Variants in ADAM11 observed in about 807,000 individuals in gnomAD.
The protein encoded by ADAM11 is disintegrin and metalloproteinase domain-containing protein 11.
Under a neutral mutation model 119.1 loss-of-function variants are expected in ADAM11, and 49 were observed. The ratio of observed to expected loss-of-function variants is 0.41; its 90% CI spans 0.33 to 0.52. The LOEUF is 0.52. ADAM11 is among the 20% of genes least tolerant of loss of function. ADAM11 has a pLI of 0.20. For synonymous variants in ADAM11, 364 were observed against 408.0 expected (o/e 0.89, Z 1.30); for missense variants, 777 against 1,047.5 (o/e 0.74, Z 3.56).
At chr17:44,774,042 G>C (rs72826870) in intron 11 of ADAM11, among the ~76,000 whole-genome samples, 11,509 of 152,226 alleles carry the variant, frequency 0.076, 550 homozygotes, top group Non-Finnish European at 0.11. Flanking sequence ...AGTGAGCTGA[G>C]ATGGTGCCAC....
chr17:44,769,603 C>A, intron 2 of ADAM11, 115 bp from the exon 3 acceptor site: 1 of 724,826 alleles, frequency 1.4e-6, no homozygotes. Context: ...ATGGTCCCCT[C>A]AGCTGCTAGG....
Position 44,759,707 on chromosome 17 carries a change from G to T in ADAM11, c.62-15G>T, listed in dbSNP as rs755111441. 2 of 1,318,348 alleles carry T rather than the reference G, an allele frequency of 1.5e-6. No individual in the cohort carries two copies. The highest frequency in any genetic ancestry group is 1.5e-5 in the African/African-American group (1 of 66,442). The allele number at this position is 1,318,348 out of a possible 1,614,324, so 81.7% of individuals were successfully genotyped here. ...GGGTGGGCAGCTGCCTGCAGCCATG[G>T]CCTTGTTTCCCCAGGTCTTGGGACC... On this transcript the variant is annotated splice_polypyrimidine_tract_variant and intron_variant, in intron 1 of 26. Coordinates refer to ENST00000200557, the MANE Select transcript of ADAM11 (RefSeq NM_002390.6).
At chr17:44,769,019 C>T (rs921291778) in intron 2 of ADAM11, among the ~76,000 whole-genome samples, 29 of 152,220 alleles carry the variant, frequency 1.9e-4, no homozygotes, top group African/African-American at 7.0e-4. Flanking sequence ...CCTCCAGCCC[C>T]ACTGCACTCT....
chr17:44,781,283 A>G lies in ADAM11; in HGVS notation c.*1529A>G, dbSNP rs1033173415. On this transcript the variant is annotated 3_prime_UTR_variant, in exon 27 of 27. Transcript: ENST00000200557. Reference sequence around the variant, plus strand: ...ACCCTCAGGGGCAAACAGGCCTGGGACCCGCTGACACCATTTTGGGTAGCT... The same window carrying G: ...ACCCTCAGGGGCAAACAGGCCTGGGGCCCGCTGACACCATTTTGGGTAGCT... 6 of 152,142 alleles carry G rather than the reference A, an allele frequency of 3.9e-5. No homozygotes were observed. Among genetic ancestry groups the G allele is most frequent in the Non-Finnish European group, 2.9e-5 (2 of 68,034 alleles). The allele number at this position is 152,142 out of a possible 1,614,324, so 9.4% of individuals were successfully genotyped here.
rs1490182183 is a variant in ADAM11, at chr17:44,773,007, C to T, written c.754-7C>T. Reference sequence around the variant, plus strand: ...CCTGGCCCTCCTCCCATTCTTCTCTCTCCCAGTTCGAGCAGATGCGACAGT... The same window carrying T: ...CCTGGCCCTCCTCCCATTCTTCTCTTTCCCAGTTCGAGCAGATGCGACAGT... On this transcript the variant is annotated splice_region_variant and splice_polypyrimidine_tract_variant and intron_variant, in intron 9 of 26. Coordinates refer to ENST00000200557, the MANE Select transcript of ADAM11 (RefSeq NM_002390.6). The surrounding 1 kb of genome is among the most constrained non-coding windows in gnomAD (Gnocchi z 4.6). The T allele has an allele frequency of 6.2e-7, 1 of 1,614,008 alleles. No homozygotes were observed. The highest frequency in any genetic ancestry group is 8.5e-7 in the Non-Finnish European group (1 of 1,180,036).
intron 1 of ADAM11, 189 bp from the exon 2 acceptor site, chr17:44,759,533 G>A: frequency 8.0e-7 from 1 of 1,246,076 alleles, no homozygotes; most frequent in Admixed American, 4.1e-5. Flanking sequence ...TGACGGTTGG[G>A]CGGGAGTGAA....
chr17:44,760,548 T>A (rs1231554490), intron 2 of ADAM11, among the ~76,000 whole-genome samples: 3 of 152,162 alleles, frequency 2.0e-5, no homozygotes, highest in Admixed American at 1.3e-4. Context: ...TTAATTAATA[T>A]CATGTGAATA....
At chr17:44,762,923 G>A (rs894859004) in intron 2 of ADAM11, among the ~76,000 whole-genome samples, 1 of 150,988 alleles carries the variant, frequency 6.6e-6, no homozygotes. Context: ...TTGAGACCAG[G>A]AGTTTGAGAC....
At chr17:44,765,895 G>A (rs1049123493) in intron 2 of ADAM11, among the ~76,000 whole-genome samples, 4 of 152,170 alleles carry the variant, frequency 2.6e-5, no homozygotes, top group Admixed American at 6.5e-5. Context: ...GATTACAGGC[G>A]TAAGCCACTG....
chr17:44,775,308 C>G lies in ADAM11; in HGVS notation c.1317C>G (p.Leu439=), dbSNP rs1398263300. ...GGGSCLFNKP[L]KLLDPPECGN... ...GCAGCTGCCTCTTCAACAAGCCCCT[C>G]AAGGTACCAGCCCCGCGGCGGGGAG... The change falls in exon 15 of 27, where the codon CTC becomes CTG. Residue 439 remains leucine (L), a synonymous_variant. Transcript: ENST00000200557. This position sits in a 1 kb window ranked among gnomAD's most constrained non-coding sequence, Gnocchi z 7.5. 7 of 1,613,834 alleles carry G rather than the reference C, an allele frequency of 4.3e-6. No homozygotes were observed. The highest frequency in any genetic ancestry group is 5.9e-6 in the Non-Finnish European group (7 of 1,179,994).
chr17:44,774,241 C>G lies in ADAM11; in HGVS notation c.993-54C>G, dbSNP rs2049567325. Reference sequence around the variant, plus strand: ...GGCTCCCCAAGGCCCCACCACCACCCGGGGAGCCACAGGGGAGGGCAGGAG... The same window carrying G: ...GGCTCCCCAAGGCCCCACCACCACCGGGGGAGCCACAGGGGAGGGCAGGAG... On this transcript the variant is annotated intron_variant, in intron 11 of 26. Coordinates refer to ENST00000200557, the MANE Select transcript of ADAM11 (RefSeq NM_002390.6). 2.4e-5 allele frequency: 30 copies of G among 1,240,682 alleles called. 2 individuals carry two copies. In the South Asian group the frequency reaches 4.9e-4, roughly 20 times the overall value. 76.9% of individuals were successfully genotyped at this position (1,240,682 alleles called of 1,614,324 possible).
chr17:44,764,998 A>C (rs1190132911), intron 2 of ADAM11, among the ~76,000 whole-genome samples: 4 of 152,030 alleles, frequency 2.6e-5, no homozygotes, highest in African/African-American at 9.7e-5. Context: ...GGCCTCACCC[A>C]AGCAACCTCC....
chr17:44,760,116 C>T (rs1442775265), intron 2 of ADAM11, among the ~76,000 whole-genome samples: 1 of 152,222 alleles, frequency 6.6e-6, no homozygotes, highest in African/African-American at 2.4e-5. Flanking sequence ...CCCCTGCCCT[C>T]AGTGTACAGG....
chr17:44,779,638 G>A (rs990100128), intron 26 of ADAM11, 101 bp from the exon 27 acceptor site: 180 of 1,501,922 alleles, frequency 1.2e-4, no homozygotes, highest in Non-Finnish European at 1.5e-4. Context: ...GTGACTTGCC[G>A]CCTGCCTCCA....
chr17:44,772,997 A>G lies in ADAM11; in HGVS notation c.754-17A>G. The G allele has an allele frequency of 6.2e-7, 1 of 1,613,968 alleles. No homozygotes were observed. The highest frequency in any genetic ancestry group is 8.5e-7 in the Non-Finnish European group (1 of 1,179,964). ...CCCTGAGGAGCCTGGCCCTCCTCCC[A>G]TTCTTCTCTCTCCCAGTTCGAGCAG... On this transcript the variant is annotated splice_polypyrimidine_tract_variant and intron_variant, in intron 9 of 26. Coordinates refer to ENST00000200557, the MANE Select transcript of ADAM11 (RefSeq NM_002390.6). The surrounding 1 kb of genome is among the most constrained non-coding windows in gnomAD (Gnocchi z 4.5).
In ADAM11 at chr17:44,764,367, G is replaced by A. The variant is rs575775448; in HGVS notation, c.237+4470G>A. Reference sequence around the variant, plus strand: ...GGCTCACCCCCAGCTCTTGAAGATGGGAGTCATGGACATGGTGCCACAGGG... The same window carrying A: ...GGCTCACCCCCAGCTCTTGAAGATGAGAGTCATGGACATGGTGCCACAGGG... On this transcript the variant is annotated intron_variant, in intron 2 of 26. Coordinates refer to ENST00000200557, the MANE Select transcript of ADAM11 (RefSeq NM_002390.6). Among the ~76,000 whole-genome samples the A allele has an allele frequency of 2.0e-5, 3 of 152,332 alleles. No individual in the cohort carries two copies. In the South Asian group the frequency reaches 6.2e-4, roughly 32 times the overall value.
At chr17:44,766,552 C>A (rs1009920372) in intron 2 of ADAM11, among the ~76,000 whole-genome samples, 2 of 152,202 alleles carry the variant, frequency 1.3e-5, no homozygotes, top group African/African-American at 4.8e-5. Context: ...GCAGTCACAG[C>A]TGCTGTGGCG....
At chr17:44,765,096 T>G (rs1358688172) in intron 2 of ADAM11, among the ~76,000 whole-genome samples, 1 of 151,930 alleles carries the variant, frequency 6.6e-6, no homozygotes. Flanking sequence ...TTCTCAAAAA[T>G]GTAGGTCAAA....
chr17:44,770,701 G>A (rs2049513219), intron 4 of ADAM11, among the ~76,000 whole-genome samples: 1 of 152,176 alleles, frequency 6.6e-6, no homozygotes, highest in African/African-American at 2.4e-5. Flanking sequence ...TGTTAGGGGC[G>A]AGTACATGAT....
Sources: allele counts gnomAD v4.1 joint callset (sites outside exome capture counted in the v4.1 genomes callset), GRCh38; gene constraint gnomAD v4.1.1; non-coding constraint Gnocchi (gnomAD v3.1); transcripts MANE v1.5; gene names NCBI Gene and HGNC (gene_info 2026-07-23, HGNC 2026-07-21).